The following KCNC1 variants were observed in gnomAD, a reference collection of about 807,000 sequenced individuals.
KCNC1 encodes voltage-gated potassium channel KCNC1.
In KCNC1, 8 loss-of-function variants were observed where a neutral mutation model predicts 43.4. That is an observed-to-expected ratio of 0.18 (90% CI 0.11 to 0.33). The LOEUF is 0.33. KCNC1 is among the 10% of genes least tolerant of loss of function. The pLI, the probability that KCNC1 is intolerant of heterozygous loss-of-function variation, is 1.00. For missense variants in KCNC1, 420 were observed against 836.0 expected, an observed-to-expected ratio of 0.50 and a Z score of 6.14; for synonymous variants, 361 against 360.5, an observed-to-expected ratio of 1.00 and a Z score of -0.01.
chr11:17,743,881 G>C (rs576517341), intron 1 of KCNC1, among the ~76,000 whole-genome samples: 1 of 152,210 alleles, frequency 6.6e-6, no homozygotes, highest in East Asian at 1.9e-4. Flanking sequence ...TGCCCTCGCT[G>C]ACGTCATGTT....
chr11:17,741,923 C>G lies in KCNC1; in HGVS notation c.570+5351C>G, dbSNP rs189505541. On this transcript the variant is annotated intron_variant, in intron 1 of 3. Transcript: ENST00000265969. ...GCTCCTCAGTGATGCCTTCCCGGGC[C>G]CCTAGGCTGGGTTGGAGTCAGAACC... 8.7e-4 allele frequency among the ~76,000 whole-genome samples: 132 copies of G among 152,360 alleles called. 1 individual carries two copies. Among genetic ancestry groups the G allele is most frequent in the African/African-American group, 3.1e-3 (129 of 41,592 alleles).
chr11:17,778,195 G>T (rs1486922075), intron 2 of KCNC1, among the ~76,000 whole-genome samples: 1 of 152,190 alleles, frequency 6.6e-6, no homozygotes, highest in African/African-American at 2.4e-5. Flanking sequence ...ATGGGATGGG[G>T]GCAAAGGCCA....
At chr11:17,743,283 G>C (rs3893215) in intron 1 of KCNC1, among the ~76,000 whole-genome samples, 32,359 of 152,082 alleles carry the variant, frequency 0.21, 3,980 homozygotes, top group African/African-American at 0.34. Context: ...AGCTCTATCT[G>C]TAACTATTAC....
rs542454556 is a variant in KCNC1 at position 17,773,807 on chromosome 11, G to T, written c.1504+1209G>T. 6.1e-6 allele frequency: 6 copies of T among 985,560 alleles called. No individual in the cohort carries two copies. Among genetic ancestry groups the T allele is most frequent in the South Asian group, 4.7e-5 (1 of 21,282 alleles). The allele number at this position is 985,560 out of a possible 1,614,324, so 61.1% of individuals were successfully genotyped here. On this transcript the variant is annotated intron_variant, in intron 2 of 3. Transcript: ENST00000265969. The surrounding 1 kb of genome is among the most constrained non-coding windows in gnomAD (Gnocchi z 4.1). The stretch of plus-strand genomic sequence containing the variant: ...ACAGATGACCCAGAGAAGAATGACA[G>T]CACTGAGTAAGAAGGAGTGCCAGGT...
intron 2 of KCNC1, chr11:17,775,723 C>A (rs1009855524): frequency 3.0e-6 from 3 of 985,804 alleles, no homozygotes; most frequent in Non-Finnish European, 3.6e-6. Flanking sequence ...TTTGTGGTGC[C>A]GCGTCCAGGG....
At position 17,764,829 on chromosome 11, in the gene KCNC1, G is replaced by A. The variant is rs183046474; in HGVS notation, c.571-6836G>A. Among the ~76,000 whole-genome samples, 893 of 143,662 alleles carry A rather than the reference G, an allele frequency of 6.2e-3. 5 individuals are homozygous for A. Among genetic ancestry groups the A allele is most frequent in the South Asian group, 0.013 (52 of 3,958 alleles). 94.2% of individuals were successfully genotyped at this position (143,662 alleles called of 152,430 possible). A position where few individuals can be genotyped will look rare whatever the true frequency, so the allele number is the denominator to read the frequency against. On this transcript the variant is annotated intron_variant, in intron 1 of 3. Transcript: ENST00000265969. ...GGCCCAGCACACTGTGAGCATTCCC[G>A]GCCCGCGGAAGTCCAGATGAGGCTA...
At chr11:17,756,793 T>C (rs557996753) in intron 1 of KCNC1, among the ~76,000 whole-genome samples, 1 of 152,208 alleles carries the variant, frequency 6.6e-6, no homozygotes, top group Non-Finnish European at 1.5e-5. Context: ...GAAGATGTGC[T>C]ATATACTGAA....
At chr11:17,737,499 C>CA (rs1848782100) in intron 1 of KCNC1, among the ~76,000 whole-genome samples, 1 of 152,108 alleles carries the variant, frequency 6.6e-6, no homozygotes, top group African/African-American at 2.4e-5. Context: ...CTTGGTCCCT[C>CA]AGATGGCCTC....
rs577645864 is a variant in KCNC1, at chr11:17,776,255, C to T, written c.1505-3201C>T. On this transcript the variant is annotated intron_variant, in intron 2 of 3. Coordinates refer to ENST00000265969, the MANE Select transcript of KCNC1 (RefSeq NM_001112741.2). The surrounding 1 kb of genome is among the most constrained non-coding windows in gnomAD (Gnocchi z 4.4). ...CCTCGTTTTGTTGCATGACTTGTGCCGGTTCTCGTGATTGTTCCCTGCTCG... is the reference window on the plus strand; with the variant it reads ...CCTCGTTTTGTTGCATGACTTGTGCTGGTTCTCGTGATTGTTCCCTGCTCG... 3.6e-5 allele frequency: 35 copies of T among 985,392 alleles called. No homozygotes were observed. The highest frequency in any genetic ancestry group is 4.0e-5 in the Non-Finnish European group (33 of 829,982). The allele number at this position is 985,392 out of a possible 1,614,324, so 61.0% of individuals were successfully genotyped here.
rs1849256707 is a variant in KCNC1 at position 17,773,751 on chromosome 11, C to T, written c.1504+1153C>T. 1.0e-6 allele frequency: 1 copy of T among 985,350 alleles called. No individual in the cohort carries two copies. The highest frequency in any genetic ancestry group is 4.7e-5 in the South Asian group (1 of 21,294). The allele number at this position is 985,350 out of a possible 1,614,324, so 61.0% of individuals were successfully genotyped here. On this transcript the variant is annotated intron_variant, in intron 2 of 3. Transcript: ENST00000265969. This position sits in a 1 kb window ranked among gnomAD's most constrained non-coding sequence, Gnocchi z 4.1. ...ACCTCTACCCATGGAATACCATCGA[C>T]TTATTCTGTGGACACAGGGATTTCA...
rs1848815863 is a variant in KCNC1, at chr11:17,739,664, T to C, written c.570+3092T>C. 8.0e-6 allele frequency among the ~76,000 whole-genome samples: 1 copy of C among 124,236 alleles called. No individual in the cohort carries two copies. Among genetic ancestry groups the C allele is most frequent in the African/African-American group, 3.6e-5 (1 of 27,682 alleles). The allele number at this position is 124,236 out of a possible 152,430, so 81.5% of individuals were successfully genotyped here. On this transcript the variant is annotated intron_variant, in intron 1 of 3. Transcript: ENST00000265969. The surrounding 1 kb of genome is among the most constrained non-coding windows in gnomAD (Gnocchi z 4.2). ...TGTGAAACTGTATATGTGGAGCTCA[T>C]GTGTGAGTCTGTGTGTGTGTGTGTG...
chr11:17,773,413 C>T lies in KCNC1; in HGVS notation c.1504+815C>T. ...CGAGCAAAAGACTAGAGGGGGCCAC[C>T]ACCCTGGGCAGCTTAGATGAAAGCG... is the stretch of plus-strand genomic sequence containing the variant. On this transcript the variant is annotated intron_variant, in intron 2 of 3. Coordinates refer to ENST00000265969, the MANE Select transcript of KCNC1 (RefSeq NM_001112741.2). The surrounding 1 kb of genome is among the most constrained non-coding windows in gnomAD (Gnocchi z 4.1). 1.0e-6 allele frequency: 1 copy of T among 985,358 alleles called. No individual in the cohort carries two copies. Among genetic ancestry groups the T allele is most frequent in the Non-Finnish European group, 1.2e-6 (1 of 829,918 alleles). 61.0% of individuals were successfully genotyped at this position (985,358 alleles called of 1,614,324 possible).
intron 1 of KCNC1, among the ~76,000 whole-genome samples, chr11:17,737,124 G>A (rs1848777086): frequency 6.6e-6 from 1 of 152,072 alleles, no homozygotes; most frequent in African/African-American, 2.4e-5. Flanking sequence ...CCCTCCTCAG[G>A]GAGCAGCCTC....
chr11:17,740,532 C>T lies in KCNC1; in HGVS notation c.570+3960C>T, dbSNP rs551938752. Among the ~76,000 whole-genome samples, 5 of 152,206 alleles carry T rather than the reference C, an allele frequency of 3.3e-5. No homozygotes were observed. The South Asian group carries it at 6.2e-4, about 19-fold the overall frequency. ...CTCCTGTCTTCCTTGGGGGCCAGCT[C>T]AGGTCTGAGGCTCTTGGCTTTAGTC... On this transcript the variant is annotated intron_variant, in intron 1 of 3. Transcript: ENST00000265969.
At chr11:17,758,441 G>C (rs1470457816) in intron 1 of KCNC1, among the ~76,000 whole-genome samples, 2 of 152,204 alleles carry the variant, frequency 1.3e-5, no homozygotes, top group African/African-American at 4.8e-5. Flanking sequence ...AATCACAAGT[G>C]TTCTTAGTGA....
Position 17,761,545 on chromosome 11 carries a change from A to T in KCNC1, c.571-10120A>T, listed in dbSNP as rs1357687930. Among the ~76,000 whole-genome samples, 3 of 152,152 alleles carry T rather than the reference A, an allele frequency of 2.0e-5. No homozygotes were observed. The East Asian group carries it at 5.8e-4, about 29-fold the overall frequency. On this transcript the variant is annotated intron_variant, in intron 1 of 3. Coordinates refer to ENST00000265969, the MANE Select transcript of KCNC1 (RefSeq NM_001112741.2). Reference sequence around the variant, plus strand: ...CCTGGAGTGTGTTATTTTAAGAATGATGGAACTGCATCTCCAAGAGGTTAC... The same window carrying T: ...CCTGGAGTGTGTTATTTTAAGAATGTTGGAACTGCATCTCCAAGAGGTTAC...
At chr11:17,753,971 G>C (rs1260391147) in intron 1 of KCNC1, among the ~76,000 whole-genome samples, 1 of 152,238 alleles carries the variant, frequency 6.6e-6, no homozygotes, top group African/African-American at 2.4e-5. Flanking sequence ...TGTCTGCTGG[G>C]AGGGAAGGAT....
At position 17,739,373 on chromosome 11, in the gene KCNC1, G is replaced by A. The variant is rs1417944265; in HGVS notation, c.570+2801G>A. 9.7e-5 allele frequency among the ~76,000 whole-genome samples: 2 copies of A among 20,656 alleles called. No homozygotes were observed. Among genetic ancestry groups the A allele is most frequent in the African/African-American group, 1.4e-4 (2 of 14,608 alleles). 13.6% of individuals were successfully genotyped at this position (20,656 alleles called of 152,430 possible). ...TGTGAGACTCCAGGCGTGTGTGTGTGTGTGTGTGTGTGTGTGTGTGTGTGT... is the reference window on the plus strand; with the variant it reads ...TGTGAGACTCCAGGCGTGTGTGTGTATGTGTGTGTGTGTGTGTGTGTGTGT... On this transcript the variant is annotated intron_variant, in intron 1 of 3. Coordinates refer to ENST00000265969, the MANE Select transcript of KCNC1 (RefSeq NM_001112741.2). The surrounding 1 kb of genome is among the most constrained non-coding windows in gnomAD (Gnocchi z 4.2).
In KCNC1 at chr11:17,739,362, CGTGTGTGTGTGTGTGTGT is replaced by C. The variant is rs35211986; in HGVS notation, c.570+2810_570+2827del. Reference sequence around the variant, plus strand: ...GTGAGAATAAATGTGAGACTCCAGGCGTGTGTGTGTGTGTGTGTGTGTGTGTGTGTGTGTGTGGTGAGA... The same window carrying C: ...GTGAGAATAAATGTGAGACTCCAGGCGTGTGTGTGTGTGTGTGTGGTGAGA... On this transcript the variant is annotated intron_variant, in intron 1 of 3. Coordinates refer to ENST00000265969, the MANE Select transcript of KCNC1 (RefSeq NM_001112741.2). The surrounding 1 kb of genome is among the most constrained non-coding windows in gnomAD (Gnocchi z 4.2). 3.1e-4 allele frequency among the ~76,000 whole-genome samples: 46 copies of C among 149,470 alleles called. No individual in the cohort carries two copies. Among genetic ancestry groups the C allele is most frequent in the Admixed American group, 8.0e-4 (12 of 15,078 alleles).
Sources: gnomAD v4.1 joint callset for allele counts (sites outside exome capture counted in the v4.1 genomes callset) on GRCh38, gnomAD v4.1.1 for gene constraint, Gnocchi (gnomAD v3.1) non-coding constraint, MANE v1.5 for transcripts, NCBI Gene and HGNC (gene_info 2026-07-23, HGNC 2026-07-21) for gene names.